ZC3H7A: variants seen among roughly 807,000 people sequenced by gnomAD.
ZC3H7A encodes the protein zinc finger CCCH domain-containing protein 7A.
ZC3H7A carries 44 observed loss-of-function variants against 125.5 expected under a neutral mutation model. The observed-to-expected ratio is 0.35, with a 90% CI of 0.28 to 0.45. ZC3H7A has a LOEUF of 0.45. Among genes scored for constraint, ZC3H7A ranks in the 20% least tolerant of loss-of-function variants. The probability of loss-of-function intolerance (pLI) is 1.00; values close to 1 mark genes in which losing one functional copy is unlikely to be tolerated. For missense variants in ZC3H7A, 977 were observed against 1,170.7 expected, an observed-to-expected ratio of 0.83 and a Z score of 2.41; for synonymous variants, 399 against 391.2, an observed-to-expected ratio of 1.02 and a Z score of -0.23.
In ZC3H7A at chr16:11,768,289, T is replaced by C. The variant is rs748277721; in HGVS notation, c.1360+26A>G. On this transcript the variant is annotated intron_variant, in intron 12 of 22. Coordinates refer to ENST00000355758, the MANE Select transcript of ZC3H7A (RefSeq NM_014153.4). The stretch of plus-strand genomic sequence containing the variant: ...AGGTTATGAGCAAGTAGTTTAATAC[T>C]CTCTGCGTGTTTGTTTGGTCCTGAC... 2.1e-6 allele frequency: 3 copies of C among 1,432,496 alleles called. No homozygotes were observed. The Admixed American group carries it at 7.0e-5, about 33-fold the overall frequency. 88.7% of individuals were successfully genotyped at this position (1,432,496 alleles called of 1,614,324 possible).
At chr16:11,757,325 A>G (rs2052666791) in intron 20 of ZC3H7A, among the ~76,000 whole-genome samples, 1 of 151,902 alleles carries the variant, frequency 6.6e-6, no homozygotes, top group South Asian at 2.1e-4. Context: ...TCTACTAAAA[A>G]TACAAAAAAT....
In ZC3H7A at chr16:11,765,304, G is replaced by C. The variant is rs962509881; in HGVS notation, c.1720-151C>G. 1.1e-5 allele frequency: 7 copies of C among 650,474 alleles called. No individual in the cohort carries two copies. The African/African-American group carries it at 1.3e-4, about 12-fold the overall frequency. 40.3% of individuals were successfully genotyped at this position (650,474 alleles called of 1,614,324 possible). On this transcript the variant is annotated intron_variant, in intron 14 of 22. Coordinates refer to ENST00000355758, the MANE Select transcript of ZC3H7A (RefSeq NM_014153.4). The surrounding 1 kb of genome is among the most constrained non-coding windows in gnomAD (Gnocchi z 4.8). ...GTAACAGTAATAGCCAACATTTACTGAATGAATGTTTTATCACATGGGAGG... is the reference window on the plus strand; with the variant it reads ...GTAACAGTAATAGCCAACATTTACTCAATGAATGTTTTATCACATGGGAGG...
intron 6 of ZC3H7A, 47 bp from the exon 7 acceptor site, chr16:11,776,405 G>C (rs1196249121): frequency 6.2e-7 from 1 of 1,601,760 alleles, no homozygotes; most frequent in Non-Finnish European, 8.5e-7. Context: ...CTGACTCCAA[G>C]TTCTAAAACA....
intron 9 of ZC3H7A, among the ~76,000 whole-genome samples, chr16:11,772,616 GCTCGGAATTTCTCCCTAT>G (rs1375111342): frequency 6.6e-6 from 1 of 151,494 alleles, no homozygotes; most frequent in Non-Finnish European, 1.5e-5. Context: ...CTGGAAAACA[GCTCGGAATTTCTCCCTAT>G]CATCACCATC....
chr16:11,765,461 A>G lies in ZC3H7A; in HGVS notation c.1719+28T>C, dbSNP rs768213707. The G allele has an allele frequency of 1.9e-6, 3 of 1,584,132 alleles. No homozygotes were observed. Among genetic ancestry groups the G allele is most frequent in the South Asian group, 2.3e-5 (2 of 87,192 alleles). ...ACTGGGCTTGCAAATTCAACTTTACAGTGGAAAATAAGTTTTGGAGAACAC... is the reference window on the plus strand; with the variant it reads ...ACTGGGCTTGCAAATTCAACTTTACGGTGGAAAATAAGTTTTGGAGAACAC... On this transcript the variant is annotated intron_variant, in intron 14 of 22. Transcript: ENST00000355758. This position sits in a 1 kb window ranked among gnomAD's most constrained non-coding sequence, Gnocchi z 4.8.
At position 11,761,573 on chromosome 16, in the gene ZC3H7A, G is replaced by A. The variant is rs1202725147; in HGVS notation, c.2214-62C>T. On this transcript the variant is annotated intron_variant, in intron 18 of 22. Coordinates refer to ENST00000355758, the MANE Select transcript of ZC3H7A (RefSeq NM_014153.4). ...ACGAGCAAAAGACATAACACAAAGGGAGAGGCACAAAGTTTGTACCTGAGG... is the reference window on the plus strand; with the variant it reads ...ACGAGCAAAAGACATAACACAAAGGAAGAGGCACAAAGTTTGTACCTGAGG... 18 of 1,555,542 alleles carry A rather than the reference G, an allele frequency of 1.2e-5. 1 individual carries two copies. The highest frequency in any genetic ancestry group is 2.7e-5 in the African/African-American group (2 of 73,578).
At position 11,782,274 on chromosome 16, in the gene ZC3H7A, C is replaced by G. The variant is rs2053184891; in HGVS notation, c.68+13G>C. The G allele has an allele frequency of 1.2e-6, 2 of 1,614,084 alleles. No individual in the cohort carries two copies. The highest frequency in any genetic ancestry group is 1.7e-6 in the Non-Finnish European group (2 of 1,179,926). ...AGGACGCGGCAAGAACACAAGAACT[C>G]TGAAGCTCTTACTGTATAAACTGCA... On this transcript the variant is annotated intron_variant, in intron 2 of 22. Coordinates refer to ENST00000355758, the MANE Select transcript of ZC3H7A (RefSeq NM_014153.4).
At chr16:11,795,812 G>C (rs1020446619) in intron 1 of ZC3H7A, among the ~76,000 whole-genome samples, 4 of 152,048 alleles carry the variant, frequency 2.6e-5, no homozygotes, top group African/African-American at 9.7e-5. Context: ...ATTAACTTTT[G>C]TTTTTTTATT....
intron 20 of ZC3H7A, among the ~76,000 whole-genome samples, chr16:11,757,727 A>G (rs536245338): frequency 1.3e-5 from 2 of 152,280 alleles, no homozygotes; most frequent in East Asian, 3.9e-4. Flanking sequence ...CGGACTACAT[A>G]GCCTCACTCC....
rs559409381 is a variant in ZC3H7A at position 11,792,350 on chromosome 16, T to C, written c.-35+4774A>G. ...AAATTTGTTACTAATCTTGAAGTTA[T>C]GTAAGATCTCAAGGTATCCTGGATC... is the stretch of plus-strand genomic sequence containing the variant. On this transcript the variant is annotated intron_variant, in intron 1 of 22. Coordinates refer to ENST00000355758, the MANE Select transcript of ZC3H7A (RefSeq NM_014153.4). Among the ~76,000 whole-genome samples the C allele has an allele frequency of 1.8e-4, 27 of 152,386 alleles. 1 individual carries two copies. In the South Asian group the frequency reaches 5.6e-3, roughly 32 times the overall value.
chr16:11,782,261 G>C, intron 2 of ZC3H7A, 26 bp downstream of exon 2: 3 of 1,613,604 alleles, frequency 1.9e-6, no homozygotes, highest in South Asian at 1.1e-5. Flanking sequence ...GACGCGGCAA[G>C]AACACAAGAA....
intron 1 of ZC3H7A, among the ~76,000 whole-genome samples, chr16:11,792,030 C>T (rs2053363284): frequency 6.6e-6 from 1 of 152,166 alleles, no homozygotes; most frequent in Non-Finnish European, 1.5e-5. Context: ...ATCTCAGCCT[C>T]CCAAGTAGCT....
At chr16:11,760,972 T>G (rs2052743342) in intron 19 of ZC3H7A, among the ~76,000 whole-genome samples, 1 of 152,224 alleles carries the variant, frequency 6.6e-6, no homozygotes, top group Non-Finnish European at 1.5e-5. Flanking sequence ...GTTAGGTGTC[T>G]TGTAGCTACG....
intron 1 of ZC3H7A, among the ~76,000 whole-genome samples, chr16:11,786,423 T>C (rs1215151346): frequency 6.6e-6 from 1 of 152,030 alleles, no homozygotes; most frequent in African/African-American, 2.4e-5. Flanking sequence ...TGAGGTTGAC[T>C]CAAAAAGTTA....
chr16:11,771,650 G>A (rs1280034628), intron 9 of ZC3H7A, among the ~76,000 whole-genome samples: 4 of 151,586 alleles, frequency 2.6e-5, no homozygotes, highest in Non-Finnish European at 2.9e-5. Context: ...ACAGGCATGC[G>A]CCACCTCGCC....
chr16:11,794,791 T>C (rs1013758402), intron 1 of ZC3H7A, among the ~76,000 whole-genome samples: 2 of 152,210 alleles, frequency 1.3e-5, no homozygotes, highest in Non-Finnish European at 2.9e-5. Context: ...CCACCCCAAC[T>C]GGCAGGTTTT....
At chr16:11,768,150 C>T (rs2052894300) in intron 12 of ZC3H7A, among the ~76,000 whole-genome samples, 165 bp downstream of exon 12, 2 of 152,100 alleles carry the variant, frequency 1.3e-5, no homozygotes, top group Admixed American at 6.6e-5. Flanking sequence ...TATTATACTC[C>T]AAAGGCACTA....
At chr16:11,783,550 C>T (rs2053207122) in intron 1 of ZC3H7A, among the ~76,000 whole-genome samples, 1 of 152,156 alleles carries the variant, frequency 6.6e-6, no homozygotes, top group Non-Finnish European at 1.5e-5. Flanking sequence ...CTCACCCCAA[C>T]CCCACTCACA....
At chr16:11,785,932 T>A (rs891488096) in intron 1 of ZC3H7A, among the ~76,000 whole-genome samples, 5 of 152,150 alleles carry the variant, frequency 3.3e-5, no homozygotes, top group Non-Finnish European at 7.4e-5. Context: ...TTGTGTTTTT[T>A]TAAAGTGACG....
Sources: gnomAD v4.1 joint callset for allele counts (sites outside exome capture counted in the v4.1 genomes callset) on GRCh38, gnomAD v4.1.1 for gene constraint, Gnocchi (gnomAD v3.1) non-coding constraint, MANE v1.5 for transcripts, NCBI Gene and HGNC (gene_info 2026-07-23, HGNC 2026-07-21) for gene names.